CTTNBP2: variants seen among roughly 807,000 people sequenced by gnomAD.
CTTNBP2 encodes cortactin binding protein 2, also known as cortactin-binding protein 2.
In CTTNBP2, 108 loss-of-function variants were observed where a neutral mutation model predicts 156.9. The ratio of observed to expected loss-of-function variants is 0.69; its 90% CI spans 0.59 to 0.81. CTTNBP2 has a LOEUF of 0.81. Ranked by LOEUF, CTTNBP2 falls within the 30% of genes least tolerant of loss-of-function variation. The probability of loss-of-function intolerance (pLI) is 0.00; values close to 1 mark genes in which losing one functional copy is unlikely to be tolerated. For synonymous variants in CTTNBP2, 767 were observed against 751.8 expected, an observed-to-expected ratio of 1.02 and a Z score of -0.33; for missense variants, 1,924 against 2,035.4, an observed-to-expected ratio of 0.95 and a Z score of 1.05.
At chr7:117,862,003 C>A (rs558244677) in intron 1 of CTTNBP2, among the ~76,000 whole-genome samples, 2 of 152,030 alleles carry the variant, frequency 1.3e-5, no homozygotes, top group African/African-American at 4.8e-5. Flanking sequence ...GAAGTAGCTG[C>A]CCCTTTAGAA....
chr7:117,769,713 A>G (rs1797705005), intron 8 of CTTNBP2, among the ~76,000 whole-genome samples: 1 of 152,236 alleles, frequency 6.6e-6, no homozygotes, highest in South Asian at 2.1e-4. Flanking sequence ...GATAATGTTG[A>G]TTTAGAAATG....
At chr7:117,821,664 C>A (rs1454113992) in intron 2 of CTTNBP2, among the ~76,000 whole-genome samples, 1 of 150,974 alleles carries the variant, frequency 6.6e-6, no homozygotes, top group Non-Finnish European at 1.5e-5. Flanking sequence ...TCTCGGCTCA[C>A]TGCAAGCTCT....
At chr7:117,853,621 C>T (rs1264699124) in intron 2 of CTTNBP2, among the ~76,000 whole-genome samples, 1 of 152,160 alleles carries the variant, frequency 6.6e-6, no homozygotes, top group Admixed American at 6.6e-5. Context: ...GTTAATTAGA[C>T]TGACAGTCCC....
chr7:117,754,378 T>C (rs1796775922), intron 12 of CTTNBP2, among the ~76,000 whole-genome samples: 1 of 152,234 alleles, frequency 6.6e-6, no homozygotes, highest in African/African-American at 2.4e-5. Context: ...GTGCATTTAT[T>C]CATTTGATAT....
chr7:117,797,982 A>G (rs1396037702), intron 3 of CTTNBP2, among the ~76,000 whole-genome samples: 1 of 152,160 alleles, frequency 6.6e-6, no homozygotes, highest in African/African-American at 2.4e-5. Flanking sequence ...AGAAAAATAT[A>G]AAGTTATACC....
intron 16 of CTTNBP2, among the ~76,000 whole-genome samples, chr7:117,733,060 T>G (rs73473624): frequency 0.015 from 2,261 of 152,342 alleles, 50 homozygotes; most frequent in African/African-American, 0.051. Context: ...AAGCCTAGTA[T>G]TGTCCTGAAA....
rs1396596698 is a variant in CTTNBP2 at position 117,773,674 on chromosome 7, C to T, written c.2778+3837G>A. The stretch of plus-strand genomic sequence containing the variant: ...ACACACACACACACACACACACACA[C>T]ACACACACACACACACACACACACA... On this transcript the variant is annotated intron_variant, in intron 8 of 22. Transcript: ENST00000160373. Among the ~76,000 whole-genome samples, 9 of 149,576 alleles carry T rather than the reference C, an allele frequency of 6.0e-5. No individual in the cohort carries two copies. The East Asian group carries it at 1.8e-3, about 29-fold the overall frequency.
intron 20 of CTTNBP2, among the ~76,000 whole-genome samples, chr7:117,720,150 G>GA (rs1393615538): frequency 6.6e-6 from 1 of 152,022 alleles, no homozygotes. Context: ...GGTCCTGGCA[G>GA]AAAATAGCGT....
At chr7:117,871,945 G>A (rs1302305723) in intron 1 of CTTNBP2, 2 of 983,964 alleles carry the variant, frequency 2.0e-6, no homozygotes, top group Non-Finnish European at 2.4e-6. Context: ...ATTTCCACTT[G>A]CCAGAGAGCC....
Position 117,735,076 on chromosome 7 carries a change from T to G in CTTNBP2, c.3713A>C (p.Tyr1238Ser), listed in dbSNP as rs751071829. The G allele has an allele frequency of 1.2e-5, 20 of 1,613,938 alleles. No homozygotes were observed. Among genetic ancestry groups the G allele is most frequent in the Non-Finnish European group, 1.7e-5 (20 of 1,179,886 alleles). Residue 1238 changes from tyrosine (Y) to serine (S), a missense_variant, in exon 16 of 23, where the codon TAC becomes TCC. By Grantham distance (144) the Tyr-to-Ser change is moderately radical. Coordinates refer to ENST00000160373, the MANE Select transcript of CTTNBP2 (RefSeq NM_033427.3). ...CATCAGAAAGCAGTTCTCATGAAAG[T>G]AATAACATTCGGACAGTCCATTTCC... Reference protein sequence around the residue: ...QKGNGLSECYYFHENCFLMGT... With the variant: ...QKGNGLSECYSFHENCFLMGT...
chr7:117,798,742 A>G (rs944340991), intron 3 of CTTNBP2, among the ~76,000 whole-genome samples: 4 of 152,112 alleles, frequency 2.6e-5, no homozygotes, highest in Admixed American at 6.5e-5. Flanking sequence ...TTGATGAAAC[A>G]GAAGAAATAA....
intron 3 of CTTNBP2, among the ~76,000 whole-genome samples, chr7:117,794,988 G>A (rs913551427): frequency 7.6e-5 from 11 of 144,048 alleles, no homozygotes; most frequent in South Asian, 4.4e-4. Flanking sequence ...TCCGCTTCCC[G>A]GGTTCACGCC....
chr7:117,832,316 A>G (rs1691016562), intron 2 of CTTNBP2, among the ~76,000 whole-genome samples: 3 of 152,256 alleles, frequency 2.0e-5, no homozygotes, highest in Non-Finnish European at 4.4e-5. Flanking sequence ...TGACACTTTC[A>G]GCTGTCTCCT....
At chr7:117,825,439 C>T (rs1801221906) in intron 2 of CTTNBP2, among the ~76,000 whole-genome samples, 1 of 152,210 alleles carries the variant, frequency 6.6e-6, no homozygotes, top group South Asian at 2.1e-4. Flanking sequence ...TCTGCCTTGG[C>T]CTCTCCAAAT....
At chr7:117,803,322 G>A (rs777670004) in intron 3 of CTTNBP2, among the ~76,000 whole-genome samples, 1 of 152,142 alleles carries the variant, frequency 6.6e-6, no homozygotes, top group South Asian at 2.1e-4. Flanking sequence ...GTTCTCACTT[G>A]TAAGTAGAAG....
At position 117,784,404 on chromosome 7, in the gene CTTNBP2, G is replaced by A. The variant is rs770597954; in HGVS notation, c.2119C>T (p.Leu707=). The change falls in exon 5 of 23, where the codon CTG becomes TTG. Residue 707 remains leucine, a synonymous_variant. Coordinates refer to ENST00000160373, the MANE Select transcript of CTTNBP2 (RefSeq NM_033427.3). Reference sequence around the variant, plus strand: ...TGAAGAAGGGTGGGCCTGCCAGCCAGGGGGGCAGGACCACCACTCATTAGC... The same window carrying A: ...TGAAGAAGGGTGGGCCTGCCAGCCAAGGGGGCAGGACCACCACTCATTAGC... ...PLLMSGGPAP[L]AGRPTLLQQA... is the part of the protein sequence containing the mutation. The A allele has an allele frequency of 1.2e-6, 2 of 1,612,174 alleles. No individual in the cohort carries two copies. Among genetic ancestry groups the A allele is most frequent in the Non-Finnish European group, 1.7e-6 (2 of 1,179,264 alleles).
chr7:117,777,783 AG>A lies in CTTNBP2; in HGVS notation c.2524-19del. On this transcript the variant is annotated intron_variant, in intron 7 of 22. Transcript: ENST00000160373. ...CAGCCATCCTGAAAATAAAATGACC[AG>A]GGGGAAAGGGTTGATAACAACATTA... 1 of 1,594,378 alleles carries A rather than the reference AG, an allele frequency of 6.3e-7. No individual in the cohort carries two copies. The highest frequency in any genetic ancestry group is 8.6e-7 in the Non-Finnish European group (1 of 1,168,852).
chr7:117,820,577 G>C (rs1204462713), intron 2 of CTTNBP2, among the ~76,000 whole-genome samples: 2 of 152,156 alleles, frequency 1.3e-5, no homozygotes, highest in African/African-American at 4.8e-5. Flanking sequence ...AAGGGTTGAT[G>C]TTCAATTTTT....
At chr7:117,782,836 G>C in intron 6 of CTTNBP2, 26 bp downstream of exon 6, 1 of 1,555,936 alleles carries the variant, frequency 6.4e-7, no homozygotes, top group Non-Finnish European at 8.8e-7. Context: ...TTGATGGTGG[G>C]AAAAAAAGAA....
Sources: gnomAD v4.1 joint callset for allele counts (sites outside exome capture counted in the v4.1 genomes callset) on GRCh38, gnomAD v4.1.1 for gene constraint, MANE v1.5 for transcripts, NCBI Gene and HGNC (gene_info 2026-07-23, HGNC 2026-07-21) for gene names.